NEURL1: variants seen among roughly 807,000 people sequenced by gnomAD.
NEURL1 encodes the protein neuralized E3 ubiquitin protein ligase 1.
Under a neutral mutation model 41.2 loss-of-function variants are expected in NEURL1, and 26 were observed. The observed-to-expected ratio is 0.63, with a 90% CI of 0.46 to 0.87. The LOEUF (loss-of-function observed/expected upper bound fraction) is 0.87. NEURL1 is among the 40% of genes least tolerant of loss of function. The probability of loss-of-function intolerance (pLI) is 0.00; values close to 1 mark genes in which losing one functional copy is unlikely to be tolerated. For synonymous variants in NEURL1, 400 were observed against 402.3 expected, an observed-to-expected ratio of 0.99 and a Z score of 0.07; for missense variants, 761 against 871.1, an observed-to-expected ratio of 0.87 and a Z score of 1.59.
rs2036046834 is a variant in NEURL1, at chr10:103,591,524, C to G, written c.*1152C>G. ...TACCTGGGAAAGGGTGTGGCTGAGGCAGTCATAATGCAGTATCTTCCCCTG... is the reference window on the plus strand; with the variant it reads ...TACCTGGGAAAGGGTGTGGCTGAGGGAGTCATAATGCAGTATCTTCCCCTG... On this transcript the variant is annotated 3_prime_UTR_variant, in exon 6 of 6. Transcript: ENST00000369780. The G allele has an allele frequency of 6.6e-6, 1 of 152,162 alleles. No homozygotes were observed. The highest frequency in any genetic ancestry group is 1.5e-5 in the Non-Finnish European group (1 of 68,058). The allele number at this position is 152,162 out of a possible 1,614,324, so 9.4% of individuals were successfully genotyped here. A position where few individuals can be genotyped will look rare whatever the true frequency, so the allele number is the denominator to read the frequency against.
At chr10:103,516,068 A>C (rs1406161400) in intron 1 of NEURL1, among the ~76,000 whole-genome samples, 1 of 151,902 alleles carries the variant, frequency 6.6e-6, no homozygotes, top group Non-Finnish European at 1.5e-5. Context: ...TTTCTACAAA[A>C]ATATAAAAAA....
At chr10:103,527,070 G>C (rs1167668420) in intron 1 of NEURL1, among the ~76,000 whole-genome samples, 1 of 152,042 alleles carries the variant, frequency 6.6e-6, no homozygotes, top group Non-Finnish European at 1.5e-5. Context: ...ATTAGGGGTG[G>C]ATTATTCGAG....
At chr10:103,563,311 A>T (rs537742732) in intron 1 of NEURL1, among the ~76,000 whole-genome samples, 1 of 152,332 alleles carries the variant, frequency 6.6e-6, no homozygotes, top group African/African-American at 2.4e-5. Flanking sequence ...GGCAGCTATG[A>T]TGAGCTTCAT....
intron 1 of NEURL1, among the ~76,000 whole-genome samples, chr10:103,525,809 T>C (rs2034448314): frequency 6.6e-6 from 1 of 152,216 alleles, no homozygotes; most frequent in Non-Finnish European, 1.5e-5. Context: ...ATAGTGGGCT[T>C]TCTTGTCTTG....
At chr10:103,505,047 T>TG (rs1362092779) in intron 1 of NEURL1, among the ~76,000 whole-genome samples, 14 of 73,008 alleles carry the variant, frequency 1.9e-4, no homozygotes, top group Admixed American at 4.8e-4. Flanking sequence ...CTCTCCTGTA[T>TG]CTTTTTTTTT....
intron 1 of NEURL1, among the ~76,000 whole-genome samples, chr10:103,518,855 G>C (rs934623683): frequency 5.9e-5 from 9 of 152,170 alleles, no homozygotes; most frequent in African/African-American, 2.2e-4. Flanking sequence ...GAATTGGCTG[G>C]GGTTGAGTAG....
intron 3 of NEURL1, among the ~76,000 whole-genome samples, chr10:103,582,342 C>A (rs1303944255): frequency 6.6e-6 from 1 of 152,198 alleles, no homozygotes; most frequent in Non-Finnish European, 1.5e-5. Context: ...TACCTCCCCC[C>A]TGCACAGGCC....
intron 1 of NEURL1, among the ~76,000 whole-genome samples, chr10:103,559,266 G>A (rs1775613191): frequency 6.6e-6 from 1 of 152,168 alleles, no homozygotes; most frequent in Admixed American, 6.5e-5. Flanking sequence ...GAGCTTGAAG[G>A]TGCACATCCC....
chr10:103,551,135 C>T (rs1008480710), intron 1 of NEURL1, among the ~76,000 whole-genome samples: 2 of 152,000 alleles, frequency 1.3e-5, no homozygotes, highest in African/African-American at 4.8e-5. Flanking sequence ...CCGTCCATGC[C>T]CGTTTTACAC....
intron 1 of NEURL1, among the ~76,000 whole-genome samples, chr10:103,528,918 T>A (rs1224515557): frequency 6.6e-6 from 1 of 152,228 alleles, no homozygotes. Context: ...TTCCAGTATA[T>A]GCCCATAATT....
chr10:103,584,502 C>G (rs1335997572), intron 3 of NEURL1, 34 bp from the exon 4 acceptor site: 9 of 1,294,348 alleles, frequency 7.0e-6, no homozygotes, highest in Non-Finnish European at 7.8e-6. Flanking sequence ...CTCCCGAGAG[C>G]CCTGCGTGAC....
intron 3 of NEURL1, 29 bp from the exon 4 acceptor site, chr10:103,584,507 C>T: frequency 1.5e-6 from 2 of 1,308,812 alleles, no homozygotes; most frequent in Non-Finnish European, 1.9e-6. Flanking sequence ...GAGAGCCCTG[C>T]GTGACACTGC....
intron 1 of NEURL1, among the ~76,000 whole-genome samples, chr10:103,519,716 C>T (rs900634217): frequency 1.4e-4 from 21 of 152,050 alleles, no homozygotes; most frequent in East Asian, 1.2e-3. Flanking sequence ...ATTACACCAT[C>T]GTCATCACTT....
intron 1 of NEURL1, among the ~76,000 whole-genome samples, chr10:103,520,254 G>T (rs537706363): frequency 6.6e-6 from 1 of 152,338 alleles, no homozygotes; most frequent in South Asian, 2.1e-4. Flanking sequence ...CTTTGTGTGA[G>T]CAATAAAGCT....
At position 103,545,662 on chromosome 10, in the gene NEURL1, T is replaced by G. The variant is rs1224319762; in HGVS notation, c.86-25210T>G. ...GCAGTGGCTGGACTCAAGTCATCTCTCACCTTTGCTGTATGAGAACAGCAG... is the reference window on the plus strand; with the variant it reads ...GCAGTGGCTGGACTCAAGTCATCTCGCACCTTTGCTGTATGAGAACAGCAG... On this transcript the variant is annotated intron_variant, in intron 1 of 5. Coordinates refer to ENST00000369780, the MANE Select transcript of NEURL1 (RefSeq NM_004210.5). The surrounding 1 kb of genome is among the most constrained non-coding windows in gnomAD (Gnocchi z 4.5). 1.3e-5 allele frequency among the ~76,000 whole-genome samples: 2 copies of G among 152,200 alleles called. No homozygotes were observed. Among genetic ancestry groups the G allele is most frequent in the African/African-American group, 4.8e-5 (2 of 41,440 alleles).
chr10:103,536,304 G>T (rs1208324428), intron 1 of NEURL1, among the ~76,000 whole-genome samples: 1 of 152,206 alleles, frequency 6.6e-6, no homozygotes, highest in African/African-American at 2.4e-5. Flanking sequence ...AGCGCTTTGG[G>T]AGGCTGAGGC....
At chr10:103,534,180 AT>A (rs35899711) in intron 1 of NEURL1, among the ~76,000 whole-genome samples, 125 of 138,628 alleles carry the variant, frequency 9.0e-4, no homozygotes, top group Middle Eastern at 3.7e-3. Context: ...GTCTATCTGT[AT>A]TTTTTTTTTT....
chr10:103,559,015 G>C (rs1350042823), intron 1 of NEURL1, among the ~76,000 whole-genome samples: 1 of 152,124 alleles, frequency 6.6e-6, no homozygotes, highest in Non-Finnish European at 1.5e-5. Context: ...GTCACAGAGG[G>C]AGATGCTGTG....
chr10:103,584,012 A>C lies in NEURL1; in HGVS notation c.650-524A>C, dbSNP rs536546781. 9.9e-5 allele frequency among the ~76,000 whole-genome samples: 15 copies of C among 152,174 alleles called. No homozygotes were observed. The East Asian group carries it at 2.5e-3, about 26-fold the overall frequency. The stretch of plus-strand genomic sequence containing the variant: ...GTCCTGACATGGCAATGGTAGCCTC[A>C]AAAGGTGATTGTTAAGGTTAGATGA... On this transcript the variant is annotated intron_variant, in intron 3 of 5. Coordinates refer to ENST00000369780, the MANE Select transcript of NEURL1 (RefSeq NM_004210.5).
Sources: gnomAD v4.1 joint callset for allele counts (sites outside exome capture counted in the v4.1 genomes callset) on GRCh38, gnomAD v4.1.1 for gene constraint, Gnocchi (gnomAD v3.1) non-coding constraint, MANE v1.5 for transcripts, NCBI Gene and HGNC (gene_info 2026-07-23, HGNC 2026-07-21) for gene names.